Variants in DCAF6 observed in about 807,000 individuals in gnomAD.
DCAF6 encodes DDB1- and CUL4-associated factor 6.
In DCAF6, 54 loss-of-function variants were observed where a neutral mutation model predicts 125.1. The ratio of observed to expected loss-of-function variants is 0.43; its 90% CI spans 0.35 to 0.54. The LOEUF is 0.54. Ranked by LOEUF, DCAF6 falls within the 20% of genes least tolerant of loss-of-function variation. The pLI is 0.01. For missense variants in DCAF6, 934 were observed against 1,161.7 expected (o/e 0.80, Z 2.85); for synonymous variants, 371 against 390.4 (o/e 0.95, Z 0.58).
the DCAF6 span, among the ~76,000 whole-genome samples, chr1:167,897,118 G>A: frequency 6.6e-6 from 1 of 151,254 alleles, no homozygotes; most frequent in Non-Finnish European, 1.5e-5. Context: ...AAGATCATGA[G>A]ACACATGTGA....
chr1:168,007,608 A>G (rs1338077398), intron 10 of DCAF6, among the ~76,000 whole-genome samples: 2 of 152,310 alleles, frequency 1.3e-5, no homozygotes, highest in Admixed American at 1.3e-4. Context: ...CATTTAACAT[A>G]GGCTGTCACT....
In DCAF6 at chr1:168,023,290, T is replaced by C. The variant is rs1685894394; in HGVS notation, c.1609+243T>C. 1.6e-5 allele frequency: 9 copies of C among 555,578 alleles called. No individual in the cohort carries two copies. In the Admixed American group the frequency reaches 2.7e-4, roughly 17 times the overall value. The allele number at this position is 555,578 out of a possible 1,614,324, so 34.4% of individuals were successfully genotyped here. On this transcript the variant is annotated intron_variant, in intron 12 of 21. Coordinates refer to ENST00000367840, the MANE Select transcript of DCAF6 (RefSeq NM_001198956.2). ...TGATGCCAACTTTGAACTCTCTCCC[T>C]ATAACAAAATTATAATGGATACAAA...
chr1:167,904,647 C>T, the DCAF6 span: 91 of 580,994 alleles, frequency 1.6e-4, no homozygotes, highest in Non-Finnish European at 2.6e-4. Flanking sequence ...ATGTAAACAT[C>T]ATCTAGGGAG....
At chr1:167,912,433 A>G in the DCAF6 span, among the ~76,000 whole-genome samples, 68 of 152,350 alleles carry the variant, frequency 4.5e-4, no homozygotes, top group African/African-American at 1.5e-3. Flanking sequence ...CCACGTGTGT[A>G]GAACATCATG....
chr1:168,048,374 G>A (rs1462727713), intron 16 of DCAF6, among the ~76,000 whole-genome samples: 1 of 152,146 alleles, frequency 6.6e-6, no homozygotes, highest in Non-Finnish European at 1.5e-5. Flanking sequence ...GAACTATATA[G>A]TGGACCTCAT....
intron 13 of DCAF6, among the ~76,000 whole-genome samples, chr1:168,040,008 A>T (rs1253939478): frequency 2.0e-5 from 3 of 152,068 alleles, no homozygotes; most frequent in African/African-American, 7.2e-5. Context: ...AGATGGAGGA[A>T]GTTTATTATA....
intron 12 of DCAF6, 92 bp downstream of exon 12, chr1:168,023,139 AT>A (rs1202392846): frequency 1.6e-6 from 2 of 1,274,766 alleles, no homozygotes; most frequent in Admixed American, 3.7e-5. Context: ...GTAGCATTTC[AT>A]TTTGATTATG....
At chr1:167,900,539 CT>C in the DCAF6 span, among the ~76,000 whole-genome samples, 37 of 147,076 alleles carry the variant, frequency 2.5e-4, no homozygotes, top group Middle Eastern at 0.011. Context: ...CTTATTTGGG[CT>C]TTTTTTTTTG....
chr1:168,042,078 C>T (rs925600726), intron 13 of DCAF6, among the ~76,000 whole-genome samples: 1 of 151,622 alleles, frequency 6.6e-6, no homozygotes, highest in African/African-American at 2.4e-5. Context: ...TATGTACTCT[C>T]TTTTTTTTAA....
At chr1:167,924,472 G>A in the DCAF6 span, 126 of 1,583,710 alleles carry the variant, frequency 8.0e-5, no homozygotes, top group Non-Finnish European at 1.0e-4. Flanking sequence ...TCTTTCAGTA[G>A]CTTCCGTAAA....
the DCAF6 span, among the ~76,000 whole-genome samples, chr1:167,919,079 A>G: frequency 2.0e-5 from 3 of 152,262 alleles, no homozygotes; most frequent in African/African-American, 7.2e-5. Flanking sequence ...TTTCCTAAGA[A>G]TAAGATCAAC....
At chr1:168,060,083 C>T (rs1405543661) in intron 17 of DCAF6, among the ~76,000 whole-genome samples, 6 of 152,044 alleles carry the variant, frequency 3.9e-5, no homozygotes. Context: ...CTAATTGTCC[C>T]CTGCTGATAT....
At chr1:167,922,108 T>C in the DCAF6 span, among the ~76,000 whole-genome samples, 1 of 152,174 alleles carries the variant, frequency 6.6e-6, no homozygotes, top group Non-Finnish European at 1.5e-5. Flanking sequence ...TCAAATACTC[T>C]GGGATAGTAA....
At chr1:168,040,479 A>G (rs969787593) in intron 13 of DCAF6, among the ~76,000 whole-genome samples, 1 of 151,440 alleles carries the variant, frequency 6.6e-6, no homozygotes, top group African/African-American at 2.4e-5. Flanking sequence ...GGAGCAGTGG[A>G]GGTGGTTTAA....
At chr1:168,000,364 TG>T (rs1682419528) in intron 7 of DCAF6, among the ~76,000 whole-genome samples, 1 of 152,150 alleles carries the variant, frequency 6.6e-6, no homozygotes, top group Non-Finnish European at 1.5e-5. Context: ...AATGAGCACA[TG>T]CTATTGGAAA....
chr1:168,056,077 A>G (rs1690711110), intron 17 of DCAF6: 1 of 1,588,444 alleles, frequency 6.3e-7, no homozygotes, highest in Non-Finnish European at 8.6e-7. Flanking sequence ...TCTCCTGATA[A>G]AGGAGAATAG....
chr1:167,979,860 G>A (rs991337342), intron 4 of DCAF6, among the ~76,000 whole-genome samples: 15 of 149,006 alleles, frequency 1.0e-4, no homozygotes, highest in South Asian at 8.6e-4. Flanking sequence ...GCACTCCAGC[G>A]TGGGTGACAG....
chr1:167,879,975 C>A, the DCAF6 span: 1 of 742,910 alleles, frequency 1.3e-6, no homozygotes, highest in East Asian at 2.7e-5. Flanking sequence ...GGCTCCATGG[C>A]TTGGCTCCAT....
the DCAF6 span, among the ~76,000 whole-genome samples, chr1:167,894,697 C>A: frequency 6.6e-6 from 1 of 152,042 alleles, no homozygotes; most frequent in African/African-American, 2.4e-5. Flanking sequence ...GTAAGTGTAG[C>A]ACTTTGCTGA....
Sources: allele counts gnomAD v4.1 joint callset (sites outside exome capture counted in the v4.1 genomes callset), GRCh38; gene constraint gnomAD v4.1.1; transcripts MANE v1.5; gene names NCBI Gene and HGNC (gene_info 2026-07-23, HGNC 2026-07-21).